COP1: variants seen among roughly 807,000 people sequenced by gnomAD.
The protein encoded by COP1 is COP1 E3 ubiquitin ligase, also known as E3 ubiquitin-protein ligase COP1.
Under a neutral mutation model 101.3 loss-of-function variants are expected in COP1, and 24 were observed. The observed-to-expected ratio is 0.24, with a 90% CI of 0.17 to 0.33. The LOEUF is 0.33. Among genes scored for constraint, COP1 ranks in the 10% least tolerant of loss-of-function variants. The pLI is 1.00. For synonymous variants in COP1, 347 were observed against 341.9 expected (o/e 1.01, Z -0.17); for missense variants, 663 against 906.2 (o/e 0.73, Z 3.45).
chr1:176,081,619 G>A (rs1679174860), intron 10 of COP1, among the ~76,000 whole-genome samples: 1 of 151,978 alleles, frequency 6.6e-6, no homozygotes, highest in East Asian at 1.9e-4. Flanking sequence ...AGAATGTGAG[G>A]ATATTAAGAA....
chr1:176,019,212 C>G (rs570393395), intron 15 of COP1, among the ~76,000 whole-genome samples: 1 of 151,496 alleles, frequency 6.6e-6, no homozygotes, highest in African/African-American at 2.4e-5. Flanking sequence ...CACCTGTAAT[C>G]CCAGCACTTT....
rs1446681641 is a variant in COP1, at chr1:176,003,645, G to A, written c.1730-14166C>T. The stretch of plus-strand genomic sequence containing the variant: ...TTGCTTGTTTTTCTCAGGTTTGTCA[G>A]AGATCAGATAGTTGTAGATACGTGG... On this transcript the variant is annotated intron_variant, in intron 15 of 19. Transcript: ENST00000367669. 4.6e-5 allele frequency among the ~76,000 whole-genome samples: 7 copies of A among 152,090 alleles called. No homozygotes were observed. In the East Asian group the frequency reaches 7.7e-4, roughly 17 times the overall value.
chr1:176,087,148 T>C (rs189695085), intron 9 of COP1, among the ~76,000 whole-genome samples: 3 of 152,214 alleles, frequency 2.0e-5, no homozygotes, highest in African/African-American at 7.2e-5. Flanking sequence ...CCTAAAACCA[T>C]AAAAACCTAG....
chr1:176,047,910 C>CA (rs768679592), intron 11 of COP1, among the ~76,000 whole-genome samples: 106 of 151,858 alleles, frequency 7.0e-4, no homozygotes, highest in Non-Finnish European at 1.2e-3. Flanking sequence ...CCGATCGCTA[C>CA]AAAAAAATGA....
chr1:175,989,319 G>C, intron 16 of COP1, 43 bp downstream of exon 16: 1 of 981,762 alleles, frequency 1.0e-6, no homozygotes, highest in Non-Finnish European at 1.7e-6. Context: ...GGTAAGTACA[G>C]AGCTCTGTAT....
At chr1:176,153,862 T>A (rs1246201835) in intron 5 of COP1, among the ~76,000 whole-genome samples, 1 of 152,204 alleles carries the variant, frequency 6.6e-6, no homozygotes, top group African/African-American at 2.4e-5. Flanking sequence ...GTTTCTATCT[T>A]TTGTAGTTCC....
At chr1:176,114,377 A>T (rs1453857834) in intron 9 of COP1, among the ~76,000 whole-genome samples, 1 of 152,202 alleles carries the variant, frequency 6.6e-6, no homozygotes, top group African/African-American at 2.4e-5. Flanking sequence ...CACATAAACT[A>T]ATCATAAAAG....
chr1:176,169,089 T>A lies in COP1; in HGVS notation c.566-5198A>T, dbSNP rs74417768. ...TTCAAAAGGAAGGCAAAGAAATGAGTCATGTTGCTGTAAAAACGCCTTCAA... is the reference window on the plus strand; with the variant it reads ...TTCAAAAGGAAGGCAAAGAAATGAGACATGTTGCTGTAAAAACGCCTTCAA... On this transcript the variant is annotated intron_variant, in intron 3 of 19. Transcript: ENST00000367669. Among the ~76,000 whole-genome samples, 256 of 152,216 alleles carry A rather than the reference T, an allele frequency of 1.7e-3. 1 individual carries two copies. Among genetic ancestry groups the A allele is most frequent in the African/African-American group, 5.9e-3 (245 of 41,530 alleles).
intron 15 of COP1, among the ~76,000 whole-genome samples, chr1:176,021,571 T>C (rs1254731031): frequency 6.6e-6 from 1 of 152,148 alleles, no homozygotes; most frequent in African/African-American, 2.4e-5. Flanking sequence ...TAAAAATACA[T>C]TAAAATAACT....
intron 5 of COP1, among the ~76,000 whole-genome samples, chr1:176,155,904 C>T (rs1693378646): frequency 6.6e-6 from 1 of 151,920 alleles, no homozygotes; most frequent in African/African-American, 2.4e-5. Flanking sequence ...GCAAAACAAT[C>T]TGCTTTACAA....
rs371404052 is a variant in COP1 at position 176,160,498 on chromosome 1, GA to G, written c.762+2370del. On this transcript the variant is annotated intron_variant, in intron 5 of 19. Transcript: ENST00000367669. ...GTGAACAGGCAACCTACAGAATGGG[GA>G]AAAATTTTTGCAATGTACCCATCTG... Among the ~76,000 whole-genome samples the G allele has an allele frequency of 2.6e-3, 399 of 151,508 alleles. 3 individuals carry two copies. Among genetic ancestry groups the G allele is most frequent in the African/African-American group, 9.2e-3 (382 of 41,356 alleles).
intron 18 of COP1, among the ~76,000 whole-genome samples, chr1:175,958,636 C>G (rs1427827781): frequency 6.6e-6 from 1 of 151,356 alleles, no homozygotes; most frequent in Non-Finnish European, 1.5e-5. Flanking sequence ...AAATGTTAAG[C>G]ATTACGTTAA....
intron 9 of COP1, among the ~76,000 whole-genome samples, chr1:176,087,221 C>G (rs1422190879): frequency 6.6e-6 from 1 of 152,170 alleles, no homozygotes; most frequent in East Asian, 1.9e-4. Context: ...GATTAAAACA[C>G]CAAAAGCAAT....
intron 11 of COP1, among the ~76,000 whole-genome samples, chr1:176,078,869 C>T (rs1232965871): frequency 3.3e-5 from 5 of 151,864 alleles, no homozygotes; most frequent in Admixed American, 6.6e-5. Context: ...ACATACAAGT[C>T]GCCAACAAGC....
At chr1:176,136,654 A>T (rs1353624506) in intron 6 of COP1, 107 bp from the exon 7 acceptor site, 6 of 697,062 alleles carry the variant, frequency 8.6e-6, no homozygotes, top group Non-Finnish European at 1.2e-5. Flanking sequence ...AATAATTTCT[A>T]TCAAACTTGG....
At chr1:175,960,568 AGC>A (rs1404881839) in intron 18 of COP1, among the ~76,000 whole-genome samples, 1 of 152,208 alleles carries the variant, frequency 6.6e-6, no homozygotes, top group Non-Finnish European at 1.5e-5. Flanking sequence ...AAGAAAGAGA[AGC>A]AAGTCAAAAT....
chr1:176,010,567 G>C (rs1664482071), intron 15 of COP1, among the ~76,000 whole-genome samples: 1 of 152,056 alleles, frequency 6.6e-6, no homozygotes, highest in African/African-American at 2.4e-5. Context: ...AATGTTTTTG[G>C]CACAAATACT....
At chr1:176,160,608 C>T (rs1308779713) in intron 5 of COP1, among the ~76,000 whole-genome samples, 1 of 151,778 alleles carries the variant, frequency 6.6e-6, no homozygotes, top group Non-Finnish European at 1.5e-5. Context: ...GAAAAGTGGG[C>T]AAAGGATATG....
chr1:176,047,065 C>T (rs986155176), intron 11 of COP1, among the ~76,000 whole-genome samples: 4 of 152,130 alleles, frequency 2.6e-5, no homozygotes, highest in South Asian at 2.1e-4. Context: ...AGATCATACT[C>T]GCTTTTACAG....
Sources: allele counts gnomAD v4.1 joint callset (sites outside exome capture counted in the v4.1 genomes callset), GRCh38; gene constraint gnomAD v4.1.1; transcripts MANE v1.5; gene names NCBI Gene and HGNC (gene_info 2026-07-23, HGNC 2026-07-21).